NNT: variants seen among roughly 807,000 people sequenced by gnomAD.
NNT encodes nicotinamide nucleotide transhydrogenase.
In NNT, 50 loss-of-function variants were observed where a neutral mutation model predicts 104.8. That is an observed-to-expected ratio of 0.48 (90% CI 0.38 to 0.60). The LOEUF is 0.60. NNT is among the 20% of genes least tolerant of loss of function. The pLI, the probability that NNT is intolerant of heterozygous loss-of-function variation, is 0.00. For missense variants in NNT, 1,131 were observed against 1,330.7 expected (o/e 0.85, Z 2.33); for synonymous variants, 461 against 490.4 (o/e 0.94, Z 0.79).
intron 4 of NNT, 117 bp from the exon 5 acceptor site, chr5:43,618,915 C>T (rs956299035): frequency 1.6e-5 from 8 of 512,984 alleles, no homozygotes; most frequent in African/African-American, 1.2e-4. Context: ...GTACATACTA[C>T]ATAAATATTA....
intron 16 of NNT, 105 bp from the exon 17 acceptor site, chr5:43,659,066 A>C (rs1740212620): frequency 8.7e-7 from 1 of 1,153,392 alleles, no homozygotes; most frequent in African/African-American, 1.6e-5. Flanking sequence ...TTATATGTAA[A>C]TATATTAATG....
At chr5:43,633,360 A>G (rs16873421) in intron 7 of NNT, among the ~76,000 whole-genome samples, 5,139 of 152,302 alleles carry the variant, frequency 0.034, 135 homozygotes, top group East Asian at 0.12. Flanking sequence ...GATTTCAGCC[A>G]TGTTGACTGC....
In NNT at chr5:43,700,219, A is replaced by G. The variant is rs78818665; in HGVS notation, c.2977A>G (p.Ile993Val). ...PYDIVLEMDE[I>V]NHDFPDTDLV... ...TGACATTGTGTTGGAAATGGATGAGATCAACCATGATTTTCCAGGTAAGTG... is the reference window on the plus strand; with the variant it reads ...TGACATTGTGTTGGAAATGGATGAGGTCAACCATGATTTTCCAGGTAAGTG... The change falls in exon 20 of 22, where the codon ATC becomes GTC. Residue 993 changes from isoleucine to valine, a missense_variant. Physicochemically the swap from Ile to Val is conservative, Grantham distance 29. Transcript: ENST00000344920. The G allele has an allele frequency of 6.7e-3, 10,792 of 1,611,796 alleles. 69 individuals carry two copies. Among genetic ancestry groups the G allele is most frequent in the East Asian group, 0.022 (970 of 44,800 alleles).
At chr5:43,647,811 T>C in intron 10 of NNT, 2 of 421,456 alleles carry the variant, frequency 4.7e-6, no homozygotes. Flanking sequence ...GTGGTCATGA[T>C]AATAGCTAGC....
intron 5 of NNT, among the ~76,000 whole-genome samples, chr5:43,623,575 A>G (rs779839403): frequency 1.3e-5 from 2 of 152,170 alleles, no homozygotes; most frequent in South Asian, 2.1e-4. Context: ...TGTTTCACCA[A>G]TGTTGTACCC....
chr5:43,700,517 T>C (rs768582151), intron 20 of NNT, among the ~76,000 whole-genome samples: 27 of 152,208 alleles, frequency 1.8e-4, no homozygotes, highest in Non-Finnish European at 3.4e-4. Flanking sequence ...ACTGGGGATC[T>C]GGGCAGACCT....
intron 19 of NNT, among the ~76,000 whole-genome samples, chr5:43,685,259 C>G (rs17307340): frequency 0.072 from 10,956 of 152,012 alleles, 531 homozygotes; most frequent in Non-Finnish European, 0.11. Flanking sequence ...TGTCAACCTC[C>G]TAGAAGGTTA....
chr5:43,629,130 T>A (rs1473761928), intron 7 of NNT, among the ~76,000 whole-genome samples: 1 of 152,130 alleles, frequency 6.6e-6, no homozygotes, highest in Non-Finnish European at 1.5e-5. Context: ...CTGTACACAA[T>A]GTTTAGTCTT....
chr5:43,675,612 C>T lies in NNT; in HGVS notation c.2736C>T (p.Ile912=), dbSNP rs1036874955. The T allele has an allele frequency of 1.2e-6, 2 of 1,612,528 alleles. No homozygotes were observed. Among genetic ancestry groups the T allele is most frequent in the Non-Finnish European group, 1.7e-6 (2 of 1,179,418 alleles). The change falls in exon 18 of 22, where the codon ATC becomes ATT. Residue 912 remains isoleucine, a synonymous_variant. Coordinates refer to ENST00000344920, the MANE Select transcript of NNT (RefSeq NM_182977.3). ...PMEISGTHTE[I]NLDNAIDMIR... ...AAATTTCTGGCACACATACGGAAAT[C>T]AACCTTGACAATGCAATTGACATGA... is the stretch of plus-strand genomic sequence containing the variant.
At chr5:43,653,643 T>G (rs1739887985) in intron 14 of NNT, 1 of 152,956 alleles carries the variant, frequency 6.5e-6, no homozygotes, top group South Asian at 2.0e-4. Flanking sequence ...TTCAGTTGTT[T>G]GCTGGATTGT....
chr5:43,696,819 C>T (rs1051235098), intron 19 of NNT, among the ~76,000 whole-genome samples: 4 of 152,216 alleles, frequency 2.6e-5, no homozygotes, highest in Admixed American at 6.5e-5. Flanking sequence ...ACCTTGGCCC[C>T]TTTTAGTCAT....
chr5:43,691,440 C>T (rs746095171), intron 19 of NNT, among the ~76,000 whole-genome samples: 4 of 152,096 alleles, frequency 2.6e-5, no homozygotes, highest in Non-Finnish European at 5.9e-5. Context: ...GCTATTTTGT[C>T]TTTCTCTTGA....
At chr5:43,621,056 G>A (rs1360531815) in intron 5 of NNT, among the ~76,000 whole-genome samples, 1 of 152,214 alleles carries the variant, frequency 6.6e-6, no homozygotes, top group Non-Finnish European at 1.5e-5. Flanking sequence ...TGAAATTGAA[G>A]GCACTGGTAT....
In NNT at chr5:43,691,068, A is replaced by AGT. The variant is rs1230738676; in HGVS notation, c.2877-9050_2877-9049insTG. On this transcript the variant is annotated intron_variant, in intron 19 of 21. Transcript: ENST00000344920. ...CCAACTGATCCAGAATTTTTTTGAG[A>AGT]GAGTGTGTGTGTGTGTGTGTGTGTG... is the stretch of plus-strand genomic sequence containing the variant. Among the ~76,000 whole-genome samples, 480 of 133,966 alleles carry AGT rather than the reference A, an allele frequency of 3.6e-3. 3 individuals are homozygous for AGT. Among genetic ancestry groups the AGT allele is most frequent in the African/African-American group, 0.013 (435 of 34,418 alleles). 87.9% of individuals were successfully genotyped at this position (133,966 alleles called of 152,430 possible). A position where few individuals can be genotyped will look rare whatever the true frequency, so the allele number is the denominator to read the frequency against.
At chr5:43,697,598 A>G (rs938708087) in intron 19 of NNT, among the ~76,000 whole-genome samples, 27 of 152,218 alleles carry the variant, frequency 1.8e-4, no homozygotes, top group African/African-American at 6.5e-4. Context: ...TGATAAAGAC[A>G]TACCTGAGAC....
chr5:43,675,360 C>A, intron 17 of NNT, 151 bp from the exon 18 acceptor site: 1 of 592,806 alleles, frequency 1.7e-6, no homozygotes, highest in Non-Finnish European at 2.6e-6. Flanking sequence ...AAGTGATTTT[C>A]AGAAACCAGC....
At chr5:43,680,111 A>G (rs1469485193) in intron 19 of NNT, among the ~76,000 whole-genome samples, 2 of 152,084 alleles carry the variant, frequency 1.3e-5, no homozygotes, top group East Asian at 1.9e-4. Context: ...TGCTAAAATT[A>G]TGACAGCAGA....
At chr5:43,696,047 C>A (rs1001516063) in intron 19 of NNT, among the ~76,000 whole-genome samples, 2 of 152,142 alleles carry the variant, frequency 1.3e-5, no homozygotes, top group African/African-American at 2.4e-5. Flanking sequence ...CATTTCAAAA[C>A]CAATCATGCC....
intron 20 of NNT, 96 bp downstream of exon 20, chr5:43,700,333 C>A: frequency 1.3e-6 from 1 of 783,436 alleles, no homozygotes; most frequent in Non-Finnish European, 2.1e-6. Context: ...TGAAGACTGA[C>A]TAGTCAGATG....
Sources: allele counts gnomAD v4.1 joint callset (sites outside exome capture counted in the v4.1 genomes callset), GRCh38; gene constraint gnomAD v4.1.1; transcripts MANE v1.5; gene names NCBI Gene and HGNC (gene_info 2026-07-23, HGNC 2026-07-21).